RAB19: variants seen among roughly 807,000 people sequenced by gnomAD.
RAB19 encodes ras-related protein Rab-19.
RAB19 carries 21 observed loss-of-function variants against 17.3 expected under a neutral mutation model. The observed-to-expected ratio is 1.21, with a 90% CI of 0.86 to 1.74. The LOEUF is 1.74. RAB19 is among the 40% of genes most tolerant of loss of function. RAB19 has a pLI of 0.00. For missense variants in RAB19, 277 were observed against 286.8 expected (o/e 0.97, Z 0.25); for synonymous variants, 126 against 110.4 (o/e 1.14, Z -0.88).
intron 2 of RAB19, among the ~76,000 whole-genome samples, chr7:140,408,138 G>A (rs1300958105): frequency 3.3e-5 from 5 of 150,964 alleles, no homozygotes; most frequent in African/African-American, 2.4e-5. Flanking sequence ...CACCCACCTC[G>A]GCCTCCCAGA....
At chr7:140,411,804 A>T (rs768917938) in intron 2 of RAB19, 70 bp from the exon 3 acceptor site, 3 of 1,612,176 alleles carry the variant, frequency 1.9e-6, no homozygotes, top group Middle Eastern at 1.7e-4. Flanking sequence ...TTTTAAGAAG[A>T]TGTAGGTGAA....
chr7:140,415,730 A>G (rs1442949720), intron 3 of RAB19, among the ~76,000 whole-genome samples: 1 of 151,276 alleles, frequency 6.6e-6, no homozygotes, highest in African/African-American at 2.4e-5. Flanking sequence ...AGGCGGGCGG[A>G]TTATTTTGTA....
chr7:140,409,634 G>T (rs904753188), intron 2 of RAB19, among the ~76,000 whole-genome samples: 2 of 151,968 alleles, frequency 1.3e-5, no homozygotes, highest in African/African-American at 4.8e-5. Flanking sequence ...GGAGGCAGAG[G>T]TTGCAGTGAG....
At chr7:140,417,222 C>T (rs1461690134) in intron 3 of RAB19, among the ~76,000 whole-genome samples, 14 of 129,452 alleles carry the variant, frequency 1.1e-4, no homozygotes, top group East Asian at 4.6e-4. Flanking sequence ...GGTGACAGAG[C>T]GAGACTCTGT....
intron 3 of RAB19, among the ~76,000 whole-genome samples, chr7:140,417,809 G>A (rs1458876761): frequency 6.6e-6 from 1 of 152,158 alleles, no homozygotes; most frequent in Admixed American, 6.6e-5. Flanking sequence ...GCCATCTTTG[G>A]CTCTGTGTGC....
chr7:140,421,095 G>A (rs189320471), intron 3 of RAB19, among the ~76,000 whole-genome samples: 6 of 152,186 alleles, frequency 3.9e-5, no homozygotes, highest in African/African-American at 9.6e-5. Context: ...GTTTCACCAT[G>A]TTGGTCAGGC....
rs543839729 is a variant in RAB19, at chr7:140,415,056, C to CT, written c.385+3008dup. Among the ~76,000 whole-genome samples, 98 of 150,750 alleles carry CT rather than the reference C, an allele frequency of 6.5e-4. No individual in the cohort carries two copies. The South Asian group carries it at 0.016, about 25-fold the overall frequency. ...ACCCTCACTCCATCAGACCTGACCTCTTTTTTTTTCTTTTCTTTTCTTTTC... is the reference window on the plus strand; with the variant it reads ...ACCCTCACTCCATCAGACCTGACCTCTTTTTTTTTTCTTTTCTTTTCTTTTC... On this transcript the variant is annotated intron_variant, in intron 3 of 3. Coordinates refer to ENST00000537763, the MANE Select transcript of RAB19 (RefSeq NM_001008749.3).
At chr7:140,425,092 C>T (rs1799639417) in intron 3 of RAB19, among the ~76,000 whole-genome samples, 2 of 152,052 alleles carry the variant, frequency 1.3e-5, no homozygotes, top group Non-Finnish European at 2.9e-5. Flanking sequence ...TCAAGACCAG[C>T]CTGGTCAACA....
At chr7:140,420,502 G>C (rs563799264) in intron 3 of RAB19, among the ~76,000 whole-genome samples, 1 of 152,214 alleles carries the variant, frequency 6.6e-6, no homozygotes, top group Non-Finnish European at 1.5e-5. Flanking sequence ...CTGCCCCTGG[G>C]AAGGAGAGAA....
rs1329684256 is a variant in RAB19, at chr7:140,420,437, AAAG to A, written c.386-5432_386-5430del. Among the ~76,000 whole-genome samples, 1,479 of 149,926 alleles carry A rather than the reference AAAG, an allele frequency of 9.9e-3. 29 individuals carry two copies. Among genetic ancestry groups the A allele is most frequent in the African/African-American group, 0.035 (1,410 of 40,440 alleles). ...CTCCATATCAAAAAAAAAAAAAAAA[AAAG>A]AAGAAGAAGAAGGAGCAGAAGGAGG... On this transcript the variant is annotated intron_variant, in intron 3 of 3. Transcript: ENST00000537763.
chr7:140,415,777 C>CGT (rs768711009), intron 3 of RAB19, among the ~76,000 whole-genome samples: 27 of 151,008 alleles, frequency 1.8e-4, no homozygotes, highest in Admixed American at 5.3e-4. Context: ...TGGTGGTGCA[C>CGT]GCCTGGAGTC....
chr7:140,423,806 A>T (rs1484731288), intron 3 of RAB19, among the ~76,000 whole-genome samples: 2 of 152,208 alleles, frequency 1.3e-5, no homozygotes, highest in African/African-American at 4.8e-5. Context: ...ACAAACATAC[A>T]CACAAATAAG....
chr7:140,416,117 C>T (rs1176618375), intron 3 of RAB19, among the ~76,000 whole-genome samples: 1 of 152,058 alleles, frequency 6.6e-6, no homozygotes, highest in Admixed American at 6.6e-5. Context: ...CCAAGGCGGG[C>T]AGATCACCTG....
chr7:140,407,680 G>A lies in RAB19; in HGVS notation c.34G>A (p.Glu12Lys). Reference sequence around the variant, plus strand: ...CTCCAGCTCAGCCAGGGCAGCAGATGAGAACTTTGACTATTTGTTCAAGAT... The same window carrying A: ...CTCCAGCTCAGCCAGGGCAGCAGATAAGAACTTTGACTATTTGTTCAAGAT... ...HFSSSARAAD[E>K]NFDYLFKIIL... The change falls in exon 2 of 4, where the codon GAG becomes AAG. Residue 12 changes from glutamate to lysine, a missense_variant. Coordinates refer to ENST00000537763, the MANE Select transcript of RAB19 (RefSeq NM_001008749.3). The A allele has an allele frequency of 6.2e-7, 1 of 1,614,106 alleles. No homozygotes were observed. Among genetic ancestry groups the A allele is most frequent in the South Asian group, 1.1e-5 (1 of 91,082 alleles).
At chr7:140,411,272 C>A (rs1015122541) in intron 2 of RAB19, among the ~76,000 whole-genome samples, 2 of 152,042 alleles carry the variant, frequency 1.3e-5, no homozygotes, top group Non-Finnish European at 2.9e-5. Flanking sequence ...TGGTGGCGGG[C>A]GCCTGTAGTC....
At chr7:140,415,830 G>A (rs1366108128) in intron 3 of RAB19, among the ~76,000 whole-genome samples, 10 of 151,536 alleles carry the variant, frequency 6.6e-5, no homozygotes, top group South Asian at 2.1e-4. Flanking sequence ...GCTTGAACCC[G>A]GGAGGCGGAG....
Position 140,411,863 on chromosome 7 carries a change from T to G in RAB19, c.202-11T>G, listed in dbSNP as rs149770929. The G allele has an allele frequency of 9.9e-6, 16 of 1,614,078 alleles. No homozygotes were observed. Among genetic ancestry groups the G allele is most frequent in the Non-Finnish European group, 1.4e-5 (16 of 1,179,964 alleles). On this transcript the variant is annotated splice_polypyrimidine_tract_variant and intron_variant, in intron 2 of 3. Transcript: ENST00000537763. The stretch of plus-strand genomic sequence containing the variant: ...CCCCTGATTTGGACTCTCCTTCCTG[T>G]CCTTCTCCAGATGCAGGTGTGGGAC...
At chr7:140,419,071 G>GT (rs35965226) in intron 3 of RAB19, among the ~76,000 whole-genome samples, 5 of 109,260 alleles carry the variant, frequency 4.6e-5, no homozygotes, top group East Asian at 2.5e-4. Flanking sequence ...TTTGTGGTTT[G>GT]TTTTTTTTTT....
intron 1 of RAB19, among the ~76,000 whole-genome samples, chr7:140,406,532 C>T (rs1311738019): frequency 8.0e-5 from 12 of 149,302 alleles, no homozygotes; most frequent in Admixed American, 6.7e-4. Flanking sequence ...CCCAGCTACT[C>T]GGGAGGCTGA....
Sources: allele counts gnomAD v4.1 joint callset (sites outside exome capture counted in the v4.1 genomes callset), GRCh38; gene constraint gnomAD v4.1.1; transcripts MANE v1.5; gene names NCBI Gene and HGNC (gene_info 2026-07-23, HGNC 2026-07-21).